UNC79: variants seen among roughly 807,000 people sequenced by gnomAD.
UNC79 encodes the protein unc-79 subunit of NALCN channel complex, also known as protein unc-79 homolog.
UNC79 carries 37 observed loss-of-function variants against 283.1 expected under a neutral mutation model. The observed-to-expected ratio is 0.13, with a 90% CI of 0.10 to 0.17. The LOEUF (loss-of-function observed/expected upper bound fraction) is 0.17. Among genes scored for constraint, UNC79 ranks in the 10% least tolerant of loss-of-function variants. The probability of loss-of-function intolerance (pLI) is 1.00; values close to 1 mark genes in which losing one functional copy is unlikely to be tolerated. For missense variants in UNC79, 2,272 were observed against 3,211.1 expected, an observed-to-expected ratio of 0.71 and a Z score of 7.07; for synonymous variants, 1,107 against 1,200.2, an observed-to-expected ratio of 0.92 and a Z score of 1.61.
Position 93,484,648 on chromosome 14 carries a change from A to G in UNC79, c.620-3015A>G, listed in dbSNP as rs564019263. On this transcript the variant is annotated intron_variant, in intron 4 of 48. Coordinates refer to ENST00000555664, the Ensembl canonical transcript of UNC79. Reference sequence around the variant, plus strand: ...CAAAATTTTCTTATTTTGATTAATTATCTTCTCCCTTCTATTGTTTATAGT... The same window carrying G: ...CAAAATTTTCTTATTTTGATTAATTGTCTTCTCCCTTCTATTGTTTATAGT... 5.3e-5 allele frequency among the ~76,000 whole-genome samples: 8 copies of G among 152,220 alleles called. No homozygotes were observed. The East Asian group carries it at 1.5e-3, about 29-fold the overall frequency.
At chr14:93,676,985 T>C (rs1292040016) in intron 41 of UNC79, among the ~76,000 whole-genome samples, 1 of 152,186 alleles carries the variant, frequency 6.6e-6, no homozygotes, top group Non-Finnish European at 1.5e-5. Context: ...TTTGGAGACA[T>C]TTTCAGATCA....
intron 1 of UNC79, among the ~76,000 whole-genome samples, chr14:93,376,934 C>T (rs1340500551): frequency 6.7e-6 from 1 of 149,282 alleles, no homozygotes; most frequent in Non-Finnish European, 1.5e-5. Context: ...CTCATGCACT[C>T]ACCTATGTAC....
intron 1 of UNC79, among the ~76,000 whole-genome samples, chr14:93,451,452 G>A (rs962678455): frequency 1.1e-4 from 17 of 152,230 alleles, no homozygotes; most frequent in African/African-American, 2.9e-4. Context: ...GTTTGGTTCC[G>A]CTCTGCATTA....
At chr14:93,572,787 G>A (rs376328669) in exon 16 of UNC79, 3 of 1,613,988 alleles carry the variant, frequency 1.9e-6, no homozygotes, top group African/African-American at 2.7e-5. Context: ...CCCCTCCTCT[G>A]TGCAGGAGCA....
intron 1 of UNC79, among the ~76,000 whole-genome samples, chr14:93,423,545 C>A (rs2055656838): frequency 6.6e-6 from 1 of 152,130 alleles, no homozygotes; most frequent in Non-Finnish European, 1.5e-5. Context: ...AACAGAGAAC[C>A]TGGAGATAAA....
intron 37 of UNC79, 27 bp downstream of exon 40, chr14:93,654,052 G>A (rs1409997699): frequency 1.2e-6 from 2 of 1,608,244 alleles, no homozygotes; most frequent in East Asian, 4.5e-5. Flanking sequence ...GACACCCTAA[G>A]CCCCAGCCGA....
chr14:93,597,351 C>T lies in UNC79; in HGVS notation c.3191-8C>T. ...TTTACGTATTTTGCCTTCTCTTTTA[C>T]ATTGCAGTGGAAAAAGTTGCTGTAA... is the stretch of plus-strand genomic sequence containing the variant. On this transcript the variant is annotated splice_region_variant and splice_polypyrimidine_tract_variant and intron_variant, in intron 23 of 48. Transcript: ENST00000555664. The T allele has an allele frequency of 1.9e-6, 3 of 1,613,432 alleles. No homozygotes were observed. The highest frequency in any genetic ancestry group is 2.5e-6 in the Non-Finnish European group (3 of 1,179,644).
At chr14:93,675,874 G>A (rs1055845553) in intron 41 of UNC79, among the ~76,000 whole-genome samples, 1 of 152,126 alleles carries the variant, frequency 6.6e-6, no homozygotes, top group African/African-American at 2.4e-5. Flanking sequence ...ATTATACCAA[G>A]TTACTGGACA....
At chr14:93,433,751 T>C (rs1209373266) in intron 1 of UNC79, among the ~76,000 whole-genome samples, 1 of 152,230 alleles carries the variant, frequency 6.6e-6, no homozygotes, top group Non-Finnish European at 1.5e-5. Flanking sequence ...TTCACTGGTT[T>C]GACAAGTAGA....
intron 19 of UNC79, among the ~76,000 whole-genome samples, chr14:93,581,468 T>C (rs369724991): frequency 1.4e-3 from 204 of 143,376 alleles, no homozygotes; most frequent in African/African-American, 4.9e-3. Context: ...CCACCACACC[T>C]GGCCAGTATT....
At chr14:93,572,647 C>G in intron 15 of UNC79, 46 bp from the exon 16 acceptor site, 2 of 1,609,476 alleles carry the variant, frequency 1.2e-6, no homozygotes, top group Non-Finnish European at 1.7e-6. Flanking sequence ...TAGTAGAACC[C>G]AATCTATGCC....
chr14:93,412,884 C>G (rs1270182446), intron 1 of UNC79, among the ~76,000 whole-genome samples: 2 of 151,948 alleles, frequency 1.3e-5, no homozygotes, highest in African/African-American at 2.4e-5. Flanking sequence ...ACAAAAAGTG[C>G]TAAAGGGAGT....
intron 1 of UNC79, among the ~76,000 whole-genome samples, chr14:93,392,071 T>C (rs2054894502): frequency 6.6e-6 from 1 of 152,214 alleles, no homozygotes; most frequent in African/African-American, 2.4e-5. Flanking sequence ...TCAGTTTCAT[T>C]TCTAAGTATG....
At chr14:93,471,995 G>T (rs2057536582) in intron 2 of UNC79, among the ~76,000 whole-genome samples, 1 of 152,066 alleles carries the variant, frequency 6.6e-6, no homozygotes, top group Non-Finnish European at 1.5e-5. Flanking sequence ...CCACCAAGAA[G>T]TTTGATCAGA....
intron 14 of UNC79, among the ~76,000 whole-genome samples, chr14:93,567,906 T>C (rs1431063757): frequency 6.6e-6 from 1 of 152,100 alleles, no homozygotes; most frequent in African/African-American, 2.4e-5. Context: ...AGAAATACAT[T>C]GGTTCTGTCC....
intron 26 of UNC79, among the ~76,000 whole-genome samples, chr14:93,611,459 G>A (rs1460075213): frequency 6.6e-6 from 1 of 152,150 alleles, no homozygotes; most frequent in Non-Finnish European, 1.5e-5. Flanking sequence ...CTTATGTGCA[G>A]GTCTGAACTG....
chr14:93,686,640 G>A (rs1329677267), exon 43 of UNC79: 1 of 1,614,144 alleles, frequency 6.2e-7, no homozygotes, highest in Admixed American at 1.7e-5. Context: ...TGGCAGACAT[G>A]CACACGCTGA....
intron 5 of UNC79, among the ~76,000 whole-genome samples, chr14:93,494,067 C>G (rs1014966453): frequency 9.2e-5 from 14 of 151,370 alleles, no homozygotes; most frequent in Admixed American, 2.0e-4. Flanking sequence ...CCACACCCAG[C>G]TAATTTTTTG....
At chr14:93,521,770 G>T (rs2060331113) in intron 7 of UNC79, among the ~76,000 whole-genome samples, 1 of 147,850 alleles carries the variant, frequency 6.8e-6, no homozygotes, top group Non-Finnish European at 1.5e-5. Context: ...TATCTTTTTT[G>T]TTATTATTTT....
Sources: gnomAD v4.1 joint callset for allele counts (sites outside exome capture counted in the v4.1 genomes callset) on GRCh38, gnomAD v4.1.1 for gene constraint, MANE v1.5 for transcripts, NCBI Gene and HGNC (gene_info 2026-07-23, HGNC 2026-07-21) for gene names.